DDX60L: variants seen among roughly 807,000 people sequenced by gnomAD.
The protein encoded by DDX60L is DExD/H-box 60 like, also known as probable ATP-dependent RNA helicase DDX60-like.
A neutral mutation model predicts 211.6 loss-of-function variants in DDX60L; 191 were observed. That is an observed-to-expected ratio of 0.90 (90% CI 0.80 to 1.02). The LOEUF (loss-of-function observed/expected upper bound fraction) is 1.02. Ranked by LOEUF, DDX60L falls within the 50% of genes least tolerant of loss-of-function variation. The pLI, the probability that DDX60L is intolerant of heterozygous loss-of-function variation, is 0.00. For synonymous variants in DDX60L, 706 were observed against 694.1 expected (o/e 1.02, Z -0.27); for missense variants, 2,007 against 1,984.1 (o/e 1.01, Z -0.22).
chr4:168,413,568 C>T (rs1749039841), intron 22 of DDX60L, among the ~76,000 whole-genome samples: 1 of 151,614 alleles, frequency 6.6e-6, no homozygotes, highest in South Asian at 2.1e-4. Context: ...TAAAAAGAAT[C>T]AAGCAAAAGC....
At chr4:168,477,106 A>G (rs774149843) in intron 1 of DDX60L, among the ~76,000 whole-genome samples, 8 of 152,286 alleles carry the variant, frequency 5.3e-5, no homozygotes, top group South Asian at 2.1e-4. Flanking sequence ...CCTTACTGCT[A>G]CAGAAATTGG....
intron 10 of DDX60L, among the ~76,000 whole-genome samples, chr4:168,436,839 T>A (rs181642633): frequency 6.6e-6 from 1 of 152,274 alleles, no homozygotes; most frequent in East Asian, 1.9e-4. Context: ...GAACTAGAAG[T>A]TAGGACTGCC....
intron 36 of DDX60L, among the ~76,000 whole-genome samples, chr4:168,365,179 G>A (rs1739758815): frequency 6.6e-6 from 1 of 152,024 alleles, no homozygotes; most frequent in South Asian, 2.1e-4. Flanking sequence ...AAAGCTTAAA[G>A]AAGCAGACGT....
In DDX60L at chr4:168,430,484, T is replaced by C. The variant is rs367770713; in HGVS notation, c.1671A>G (p.Ile557Met). 33 of 1,590,198 alleles carry C rather than the reference T, an allele frequency of 2.1e-5. No homozygotes were observed. Among genetic ancestry groups the C allele is most frequent in the Non-Finnish European group, 2.7e-5 (32 of 1,173,120 alleles). ...KEDSSGASGE[I>M]LQNTKPHQIT... The stretch of plus-strand genomic sequence containing the variant: ...TAAAATCTTTGCGATCTACCTGTAA[T>C]ATTTCACCACTGGCACCACTGGAAT... The change falls in exon 13 of 38, where the codon ATA becomes ATG. Residue 557 changes from isoleucine (I) to methionine (M), a missense_variant. Ile to Met is a conservative substitution (Grantham distance 10, BLOSUM62 1). Coordinates refer to ENST00000682922, the MANE Select transcript of DDX60L (RefSeq NM_001012967.3).
rs1738349529 is a variant in DDX60L, at chr4:168,357,378, A to C, written c.*769T>G. On this transcript the variant is annotated 3_prime_UTR_variant, in exon 38 of 38. Coordinates refer to ENST00000682922, the MANE Select transcript of DDX60L (RefSeq NM_001012967.3). ...CACAGACTAGATGGCTAAACAACAA[A>C]CATGTATTTCTCACAATCCTGGAGG... 2 of 152,242 alleles carry C rather than the reference A, an allele frequency of 1.3e-5. No homozygotes were observed. The highest frequency in any genetic ancestry group is 4.8e-5 in the African/African-American group (2 of 41,436). The allele number at this position is 152,242 out of a possible 1,614,324, so 9.4% of individuals were successfully genotyped here. A position where few individuals can be genotyped will look rare whatever the true frequency, so the allele number is the denominator to read the frequency against.
At chr4:168,441,754 C>T (rs1456651419) in intron 9 of DDX60L, among the ~76,000 whole-genome samples, 3 of 151,946 alleles carry the variant, frequency 2.0e-5, no homozygotes, top group Middle Eastern at 3.2e-3. Context: ...GAGGCTGAGG[C>T]GGGAGGATCG....
intron 9 of DDX60L, among the ~76,000 whole-genome samples, chr4:168,443,883 A>C (rs983992202): frequency 1.3e-5 from 2 of 150,144 alleles, no homozygotes; most frequent in African/African-American, 2.5e-5. Flanking sequence ...GGAAGCACTA[A>C]ACATGGAAAG....
At chr4:168,448,249 T>C (rs1050192999) in intron 9 of DDX60L, among the ~76,000 whole-genome samples, 14 of 152,312 alleles carry the variant, frequency 9.2e-5, no homozygotes, top group African/African-American at 3.4e-4. Flanking sequence ...TAATTTACTC[T>C]ATAAAAATAT....
chr4:168,453,106 T>C lies in DDX60L; in HGVS notation c.996+18A>G. ...TCATCTCTCATGTTCAGACAAAAAA[T>C]AAACAAAATATGTTTACCATTTTTA... On this transcript the variant is annotated intron_variant, in intron 8 of 37. Coordinates refer to ENST00000682922, the MANE Select transcript of DDX60L (RefSeq NM_001012967.3). 1 of 1,596,200 alleles carries C rather than the reference T, an allele frequency of 6.3e-7. No individual in the cohort carries two copies. Among genetic ancestry groups the C allele is most frequent in the Non-Finnish European group, 8.5e-7 (1 of 1,172,194 alleles).
chr4:168,382,648 T>C (rs1053241058), intron 30 of DDX60L, among the ~76,000 whole-genome samples: 8 of 152,128 alleles, frequency 5.3e-5, no homozygotes, highest in African/African-American at 1.7e-4. Flanking sequence ...ATTAATTAAG[T>C]GGCAAATGCT....
At chr4:168,373,645 T>TA in intron 35 of DDX60L, 21 bp downstream of exon 35, 1 of 1,609,324 alleles carries the variant, frequency 6.2e-7, no homozygotes, top group Non-Finnish European at 8.5e-7. Context: ...ATTTTGTACA[T>TA]AAGATGTATC....
At chr4:168,397,962 C>T (rs532950763) in intron 26 of DDX60L, among the ~76,000 whole-genome samples, 24 of 152,224 alleles carry the variant, frequency 1.6e-4, no homozygotes, top group African/African-American at 4.6e-4. Flanking sequence ...GCAGGAGCCC[C>T]GCCCTTATGG....
At chr4:168,364,384 T>C (rs911788470) in intron 36 of DDX60L, among the ~76,000 whole-genome samples, 1 of 151,968 alleles carries the variant, frequency 6.6e-6, no homozygotes. Context: ...TACCAAAACA[T>C]CCAAATATAT....
chr4:168,409,247 G>A (rs552749658), intron 22 of DDX60L, among the ~76,000 whole-genome samples: 2 of 152,130 alleles, frequency 1.3e-5, no homozygotes, highest in East Asian at 3.9e-4. Flanking sequence ...AGTCATACAG[G>A]GTCAGAACAC....
chr4:168,429,331 C>T (rs2634970), intron 13 of DDX60L, among the ~76,000 whole-genome samples: 7,349 of 151,966 alleles, frequency 0.048, 568 homozygotes, highest in African/African-American at 0.16. Context: ...TTTTTAGAGG[C>T]GATAGGGTTT....
rs761706772 is a variant in DDX60L at position 168,379,358 on chromosome 4, C to G, written c.4363+5G>C. ...TTCGACTACAGGTATAAAACCCAAG[C>G]TTACCTTTCCAGGCTGGCTTACAGA... On this transcript the variant is annotated splice_donor_5th_base_variant and intron_variant, in intron 32 of 37. Coordinates refer to ENST00000682922, the MANE Select transcript of DDX60L (RefSeq NM_001012967.3). 1.9e-6 allele frequency: 3 copies of G among 1,551,952 alleles called. No individual in the cohort carries two copies. Among genetic ancestry groups the G allele is most frequent in the South Asian group, 2.5e-5 (2 of 78,746 alleles).
At chr4:168,458,592 G>A (rs1248700945) in intron 5 of DDX60L, among the ~76,000 whole-genome samples, 1 of 152,122 alleles carries the variant, frequency 6.6e-6, no homozygotes, top group Admixed American at 6.5e-5. Context: ...TTATAAGTGG[G>A]AGCTGAACAA....
intron 36 of DDX60L, among the ~76,000 whole-genome samples, chr4:168,362,474 A>G (rs1393259958): frequency 3.3e-5 from 5 of 152,200 alleles, no homozygotes; most frequent in Admixed American, 3.3e-4. Flanking sequence ...CCAGCTCAAG[A>G]GCCAGCCTGG....
Position 168,400,849 on chromosome 4 carries a change from T to A in DDX60L, c.3468A>T (p.Lys1156Asn). 6.2e-7 allele frequency: 1 copy of A among 1,612,084 alleles called. No homozygotes were observed. Among genetic ancestry groups the A allele is most frequent in the Non-Finnish European group, 8.5e-7 (1 of 1,179,146 alleles). Residue 1156 changes from lysine to asparagine, a missense_variant, in exon 26 of 38, where the codon AAA becomes AAT. Lys to Asn is a moderately conservative substitution (Grantham distance 94). Transcript: ENST00000682922. ...ACATCCTTTTCTGTGTCTTCCTCACTTTTTCAAGTACTTCATCTATTGCAA... is the reference window on the plus strand; with the variant it reads ...ACATCCTTTTCTGTGTCTTCCTCACATTTTCAAGTACTTCATCTATTGCAA... ...YVFAIDEVLE[K>N]VRKTQKRITK...
Sources: allele counts gnomAD v4.1 joint callset (sites outside exome capture counted in the v4.1 genomes callset), GRCh38; gene constraint gnomAD v4.1.1; transcripts MANE v1.5; gene names NCBI Gene and HGNC (gene_info 2026-07-23, HGNC 2026-07-21).